The following ESR1 variants were observed in gnomAD, a reference collection of about 807,000 sequenced individuals.
ESR1 encodes the protein estrogen receptor 1, also known as estrogen receptor.
A neutral mutation model predicts 52.7 loss-of-function variants in ESR1; 12 were observed. That is an observed-to-expected ratio of 0.23 (90% confidence interval 0.15 to 0.37). ESR1 has a LOEUF of 0.37. ESR1 is among the 10% of genes least tolerant of loss of function. The pLI is 1.00. For missense variants in ESR1, 584 were observed against 779.7 expected, an observed-to-expected ratio of 0.75 and a Z score of 2.99; for synonymous variants, 305 against 316.8, an observed-to-expected ratio of 0.96 and a Z score of 0.39.
chr6:151,911,766 G>A (rs1798297938), intron 3 of ESR1, among the ~76,000 whole-genome samples: 1 of 152,222 alleles, frequency 6.6e-6, no homozygotes. Context: ...CCAGTTAGCT[G>A]AGACTCTATG....
At chr6:151,857,186 A>G (rs1788001282) in intron 2 of ESR1, among the ~76,000 whole-genome samples, 1 of 152,128 alleles carries the variant, frequency 6.6e-6, no homozygotes, top group Admixed American at 6.6e-5. Context: ...AAAAAAATGG[A>G]TGGTAGTGTC....
chr6:152,051,384 C>G (rs1291991350), intron 5 of ESR1, among the ~76,000 whole-genome samples: 1 of 152,118 alleles, frequency 6.6e-6, no homozygotes, highest in Non-Finnish European at 1.5e-5. Context: ...AACAAGCAAA[C>G]AAAAACAAAA....
intron 6 of ESR1, among the ~76,000 whole-genome samples, chr6:152,090,805 T>A (rs543619054): frequency 2.6e-5 from 4 of 152,142 alleles, no homozygotes; most frequent in Non-Finnish European, 5.9e-5. Context: ...GTCTTGTACA[T>A]GGGGGTGTCC....
intron 4 of ESR1, among the ~76,000 whole-genome samples, chr6:151,959,367 A>G (rs931200649): frequency 6.6e-6 from 1 of 152,204 alleles, no homozygotes; most frequent in Non-Finnish European, 1.5e-5. Context: ...TTTTCTATCC[A>G]TGAACAACGT....
At chr6:151,880,634 C>G in intron 2 of ESR1, 21 bp from the exon 3 acceptor site, 2 of 1,359,470 alleles carry the variant, frequency 1.5e-6, no homozygotes, top group Non-Finnish European at 2.1e-6. Context: ...AATATTAATT[C>G]TGTCCTCTTG....
At chr6:152,075,385 A>G (rs937390875) in intron 6 of ESR1, among the ~76,000 whole-genome samples, 5 of 152,192 alleles carry the variant, frequency 3.3e-5, no homozygotes, top group African/African-American at 1.2e-4. Flanking sequence ...TATTTTTCCA[A>G]TGTAATATAA....
At chr6:151,757,237 T>TA (rs11357005) in intron 2 of ESR1, among the ~76,000 whole-genome samples, 26 of 149,156 alleles carry the variant, frequency 1.7e-4, no homozygotes, top group Admixed American at 8.0e-4. Flanking sequence ...AACGTTCCAT[T>TA]AAAAAAAAAA....
At chr6:151,676,801 C>A (rs1778268691) in intron 1 of ESR1, among the ~76,000 whole-genome samples, 2 of 152,116 alleles carry the variant, frequency 1.3e-5, no homozygotes, top group South Asian at 4.1e-4. Flanking sequence ...TAAAGAACAT[C>A]AACAAGTCCT....
intron 2 of ESR1, among the ~76,000 whole-genome samples, chr6:151,759,999 C>A (rs1309320134): frequency 6.6e-6 from 1 of 152,142 alleles, no homozygotes; most frequent in East Asian, 1.9e-4. Flanking sequence ...ACAGATTAGT[C>A]TATGCATGGT....
intron 3 of ESR1, among the ~76,000 whole-genome samples, chr6:151,938,772 C>T (rs529884163): frequency 2.0e-5 from 3 of 152,248 alleles, no homozygotes; most frequent in Admixed American, 1.3e-4. Context: ...AAATTTTATA[C>T]TGAGCCTTTC....
rs6906152 is a variant in ESR1, at chr6:151,732,252, G to C, written c.-71+30247G>C. The stretch of plus-strand genomic sequence containing the variant: ...TCATAGGGCATGAGTCTCATCAGGC[G>C]GATAATTTACATTATATAAAAAAAG... On this transcript the variant is annotated intron_variant, in intron 2 of 2. Coordinates refer to the ESR1 transcript ENST00000404742. 5.6e-4 allele frequency among the ~76,000 whole-genome samples: 85 copies of C among 152,002 alleles called. 1 individual carries two copies. The highest frequency in any genetic ancestry group is 3.4e-3 in the Middle Eastern group (1 of 294).
intron 2 of ESR1, among the ~76,000 whole-genome samples, chr6:151,731,696 T>C (rs894920247): frequency 1.3e-5 from 2 of 152,232 alleles, no homozygotes; most frequent in African/African-American, 4.8e-5. Context: ...AATAGACATG[T>C]AATCACTATG....
chr6:151,925,124 T>TTTTGTTTG (rs2032460604), intron 3 of ESR1, among the ~76,000 whole-genome samples: 1 of 150,586 alleles, frequency 6.6e-6, no homozygotes, highest in Non-Finnish European at 1.5e-5. Flanking sequence ...CAGCATCTGG[T>TTTTGTTTG]TTTTTTTGTT....
Position 152,098,422 on chromosome 6 carries a change from A to G in ESR1, c.1554-310A>G, listed in dbSNP as rs1424930847. Among the ~76,000 whole-genome samples the G allele has an allele frequency of 6.6e-6, 1 of 151,992 alleles. No individual in the cohort carries two copies. The highest frequency in any genetic ancestry group is 1.5e-5 in the Non-Finnish European group (1 of 67,990). ...TTGGAGGGGAATAGGATCTCATTTG[A>G]GGCCACGGAGGTCCATGGAAGTCAC... On this transcript the variant is annotated intron_variant, in intron 7 of 7. Transcript: ENST00000206249. The surrounding 1 kb of genome is among the most constrained non-coding windows in gnomAD (Gnocchi z 5.1).
intron 3 of ESR1, among the ~76,000 whole-genome samples, chr6:151,895,614 T>C (rs982331530): frequency 2.0e-5 from 3 of 152,224 alleles, no homozygotes; most frequent in Non-Finnish European, 2.9e-5. Flanking sequence ...TTTTGTCAAA[T>C]GCTTTTTCTG....
intron 5 of ESR1, among the ~76,000 whole-genome samples, chr6:152,032,960 A>G (rs2044866654): frequency 6.6e-6 from 1 of 152,240 alleles, no homozygotes; most frequent in African/African-American, 2.4e-5. Flanking sequence ...CCAATGGAAC[A>G]GAACAGAGCC....
chr6:151,742,386 G>A (rs1307146845), intron 2 of ESR1, among the ~76,000 whole-genome samples: 1 of 152,156 alleles, frequency 6.6e-6, no homozygotes, highest in Non-Finnish European at 1.5e-5. Flanking sequence ...AGGGTACAGG[G>A]TTCCCTTTTC....
intron 1 of ESR1, among the ~76,000 whole-genome samples, chr6:151,820,210 G>A (rs537104662): frequency 8.6e-4 from 131 of 152,296 alleles, no homozygotes; most frequent in African/African-American, 3.1e-3. Context: ...AGAAGGGCAG[G>A]TGAGGTTGTG....
chr6:151,947,407 T>C (rs1227680329), intron 4 of ESR1, among the ~76,000 whole-genome samples: 2 of 152,182 alleles, frequency 1.3e-5, no homozygotes, highest in Non-Finnish European at 2.9e-5. Context: ...ATTAGCTATA[T>C]GATACAAAAA....
Sources: allele counts gnomAD v4.1 joint callset (sites outside exome capture counted in the v4.1 genomes callset), GRCh38; gene constraint gnomAD v4.1.1; non-coding constraint Gnocchi (gnomAD v3.1); transcripts MANE v1.5; gene names NCBI Gene and HGNC (gene_info 2026-07-23, HGNC 2026-07-21).